Variants in ANKHD1 observed in about 807,000 individuals in gnomAD.
The protein encoded by ANKHD1 is ankyrin repeat and KH domain-containing protein 1.
In ANKHD1, 31 loss-of-function variants were observed where a neutral mutation model predicts 230.5. That is an observed-to-expected ratio of 0.13 (90% CI 0.10 to 0.18). The LOEUF (loss-of-function observed/expected upper bound fraction) is 0.18, where lower values mean the gene tolerates loss of function less well. Ranked by LOEUF, ANKHD1 falls within the 10% of genes least tolerant of loss-of-function variation. The pLI, the probability that ANKHD1 is intolerant of heterozygous loss-of-function variation, is 1.00. For synonymous variants in ANKHD1, 1,074 were observed against 1,117.6 expected (o/e 0.96, Z 0.78); for missense variants, 2,256 against 3,071.3 (o/e 0.73, Z 6.27).
At chr5:140,488,223 G>A (rs1056611603) in intron 14 of ANKHD1, among the ~76,000 whole-genome samples, 1 of 152,046 alleles carries the variant, frequency 6.6e-6, no homozygotes, top group African/African-American at 2.4e-5. Flanking sequence ...TTTTCTTTGG[G>A]GGGGAGTTTA....
chr5:140,521,618 T>A (rs1753353206), intron 24 of ANKHD1, among the ~76,000 whole-genome samples: 1 of 152,200 alleles, frequency 6.6e-6, no homozygotes, highest in Admixed American at 6.5e-5. Context: ...AGATGCCACA[T>A]AAATGTTTTT....
chr5:140,415,976 CCCA>C (rs1771348345), intron 1 of ANKHD1, among the ~76,000 whole-genome samples: 1 of 151,990 alleles, frequency 6.6e-6, no homozygotes, highest in African/African-American at 2.4e-5. Flanking sequence ...TGTGATGTTC[CCCA>C]CCCTGTGTCC....
intron 15 of ANKHD1, among the ~76,000 whole-genome samples, chr5:140,501,772 T>G (rs112684069): frequency 6.6e-6 from 1 of 152,010 alleles, no homozygotes; most frequent in Non-Finnish European, 1.5e-5. Context: ...CACAACATAT[T>G]TTATGTACAC....
intron 13 of ANKHD1, among the ~76,000 whole-genome samples, chr5:140,486,288 C>T (rs2127019429): frequency 6.6e-6 from 1 of 152,230 alleles, no homozygotes; most frequent in East Asian, 1.9e-4. Context: ...TGGTCTCAAA[C>T]TCCTGAGCTC....
At chr5:140,425,701 G>C (rs1275868502) in intron 1 of ANKHD1, among the ~76,000 whole-genome samples, 1 of 152,122 alleles carries the variant, frequency 6.6e-6, no homozygotes. Flanking sequence ...TTTTTGCTGA[G>C]TATATTAGGC....
intron 20 of ANKHD1, among the ~76,000 whole-genome samples, chr5:140,508,584 G>A (rs892902311): frequency 1.5e-4 from 23 of 152,052 alleles, no homozygotes; most frequent in African/African-American, 5.5e-4. Flanking sequence ...TGAAACCCCC[G>A]TCTCTACTAA....
intron 1 of ANKHD1, among the ~76,000 whole-genome samples, chr5:140,417,511 C>T (rs1202661760): frequency 6.6e-6 from 1 of 151,934 alleles, no homozygotes; most frequent in African/African-American, 2.4e-5. Flanking sequence ...TGTAGTGGCA[C>T]GATCTTGGCT....
intron 7 of ANKHD1, among the ~76,000 whole-genome samples, chr5:140,455,176 TC>T: frequency 6.6e-6 from 1 of 152,246 alleles, no homozygotes; most frequent in East Asian, 1.9e-4. Context: ...AGAAGTTGAA[TC>T]CCTGAATAGA....
chr5:140,445,663 CT>C (rs1227290592), intron 5 of ANKHD1, 78 bp from the exon 6 acceptor site: 3 of 1,243,896 alleles, frequency 2.4e-6, no homozygotes, highest in East Asian at 5.7e-5. Flanking sequence ...TTGTATATTT[CT>C]TTTTAAATCT....
chr5:140,501,974 G>A (rs1752326224), intron 15 of ANKHD1, among the ~76,000 whole-genome samples: 1 of 151,666 alleles, frequency 6.6e-6, no homozygotes, highest in South Asian at 2.1e-4. Context: ...GGCTAAGGTG[G>A]GAGGATTGCA....
chr5:140,422,227 A>G (rs920642087), intron 1 of ANKHD1, among the ~76,000 whole-genome samples: 10 of 152,000 alleles, frequency 6.6e-5, no homozygotes, highest in Admixed American at 5.9e-4. Flanking sequence ...GGTACAAGCA[A>G]TTCTCCTACC....
In ANKHD1 at chr5:140,458,666, T is replaced by A; in HGVS notation, c.1284T>A (p.Gly428=). Residue 428 remains glycine, a synonymous_variant, in exon 8 of 34, where the codon GGT becomes GGA. Coordinates refer to ENST00000360839, the MANE Select transcript of ANKHD1 (RefSeq NM_017747.3). The part of the protein sequence containing the change: ...VEVARLLLDS[G]AQVNMPADSF... ...TGGCACGTTTGCTTTTGGATAGTGGTGCTCAAGTGAACATGCCTGCAGATT... is the reference window on the plus strand; with the variant it reads ...TGGCACGTTTGCTTTTGGATAGTGGAGCTCAAGTGAACATGCCTGCAGATT... The A allele has an allele frequency of 6.2e-7, 1 of 1,611,062 alleles. No individual in the cohort carries two copies. Among genetic ancestry groups the A allele is most frequent in the Non-Finnish European group, 8.5e-7 (1 of 1,178,246 alleles).
chr5:140,482,704 C>T (rs754272419), intron 11 of ANKHD1, 37 bp downstream of exon 11: 2 of 1,595,734 alleles, frequency 1.3e-6, no homozygotes, highest in South Asian at 1.1e-5. Flanking sequence ...CAAGAGGCTA[C>T]AGTTTATGGA....
Position 140,526,367 on chromosome 5 carries a change from T to A in ANKHD1, c.4864T>A (p.Ser1622Thr), listed in dbSNP as rs547876810. ...QELNFVMDVNSSKYPSLLLHS... is the reference protein window; with the variant it reads ...QELNFVMDVNTSKYPSLLLHS... Reference sequence around the variant, plus strand: ...GTTAAATTTTGTGATGGATGTGAATTCCTCTAAATACCCCTCACTGCTCCT... The same window carrying A: ...GTTAAATTTTGTGATGGATGTGAATACCTCTAAATACCCCTCACTGCTCCT... The change falls in exon 26 of 34, where the codon TCC becomes ACC. Residue 1622 changes from serine (S) to threonine (T), a missense_variant. Ser to Thr is a moderately conservative substitution (Grantham distance 58). Transcript: ENST00000360839. 2 of 1,614,126 alleles carry A rather than the reference T, an allele frequency of 1.2e-6. No homozygotes were observed. Among genetic ancestry groups the A allele is most frequent in the South Asian group, 2.2e-5 (2 of 91,082 alleles).
At chr5:140,438,710 C>CTTATAAACT in intron 3 of ANKHD1, 93 bp downstream of exon 3, 1 of 1,432,776 alleles carries the variant, frequency 7.0e-7, no homozygotes, top group African/African-American at 1.4e-5. Flanking sequence ...TTTGGTGGAG[C>CTTATAAACT]TTATAAACTT....
intron 24 of ANKHD1, among the ~76,000 whole-genome samples, chr5:140,521,480 ATAAAT>A (rs1335875137): frequency 6.6e-6 from 1 of 152,132 alleles, no homozygotes; most frequent in African/African-American, 2.4e-5. Flanking sequence ...ACTTAAAAAA[ATAAAT>A]TAAAATAAAT....
chr5:140,526,207 A>G lies in ANKHD1; in HGVS notation c.4704A>G (p.Leu1568=). The stretch of plus-strand genomic sequence containing the variant: ...TTTTACCAGAACAACATATGTCTTT[A>G]GCCCAACAAAAGGCAGATAAAAATA... ...HLILPEQHMS[L]AQQKADKNKI... The change falls in exon 26 of 34, where the codon TTA becomes TTG. Residue 1568 remains leucine, a synonymous_variant. Transcript: ENST00000360839. The G allele has an allele frequency of 6.2e-7, 1 of 1,614,216 alleles. No homozygotes were observed. Among genetic ancestry groups the G allele is most frequent in the Admixed American group, 1.7e-5 (1 of 60,026 alleles).
intron 24 of ANKHD1, among the ~76,000 whole-genome samples, chr5:140,517,696 T>C (rs1325224871): frequency 5.7e-5 from 8 of 140,562 alleles, no homozygotes; most frequent in African/African-American, 1.3e-4. Flanking sequence ...GACTACTGGG[T>C]ACATAACGAA....
At chr5:140,420,456 A>C (rs1218101047) in intron 1 of ANKHD1, among the ~76,000 whole-genome samples, 3 of 152,204 alleles carry the variant, frequency 2.0e-5, no homozygotes, top group African/African-American at 7.2e-5. Context: ...AGACTTGCAT[A>C]GTTTTAGCTC....
Sources: gnomAD v4.1 joint callset for allele counts (sites outside exome capture counted in the v4.1 genomes callset) on GRCh38, gnomAD v4.1.1 for gene constraint, MANE v1.5 for transcripts, NCBI Gene and HGNC (gene_info 2026-07-23, HGNC 2026-07-21) for gene names.